HOXB8: variants seen among roughly 807,000 people sequenced by gnomAD.
HOXB8 encodes homeobox B8, also known as homeobox protein Hox-B8.
A neutral mutation model predicts 22.2 loss-of-function variants in HOXB8; 17 were observed. The ratio of observed to expected loss-of-function variants is 0.77; its 90% CI spans 0.53 to 1.15. The LOEUF is 1.15. Ranked by LOEUF, HOXB8 falls within the 50% of genes most tolerant of loss-of-function variation. The probability of loss-of-function intolerance (pLI) is 0.00; values close to 1 mark genes in which losing one functional copy is unlikely to be tolerated. For synonymous variants in HOXB8, 156 were observed against 144.6 expected (o/e 1.08, Z -0.57); for missense variants, 287 against 323.8 (o/e 0.89, Z 0.87).
At position 48,612,946 on chromosome 17, in the gene HOXB8, C is replaced by A. The variant is rs1381067290; in HGVS notation, c.*256G>T. On this transcript the variant is annotated 3_prime_UTR_variant, in exon 2 of 2. Coordinates refer to ENST00000239144, the MANE Select transcript of HOXB8 (RefSeq NM_024016.4). Reference sequence around the variant, plus strand: ...CGCTCGCCCTCACAGGGCGAGGGAGCCTTTGCTTAAATCCTTTTCTTTCCC... The same window carrying A: ...CGCTCGCCCTCACAGGGCGAGGGAGACTTTGCTTAAATCCTTTTCTTTCCC... The A allele has an allele frequency of 1.7e-5, 3 of 181,116 alleles. No homozygotes were observed. Among genetic ancestry groups the A allele is most frequent in the Non-Finnish European group, 3.4e-5 (3 of 88,006 alleles). 11.2% of individuals were successfully genotyped at this position (181,116 alleles called of 1,614,324 possible). A position where few individuals can be genotyped will look rare whatever the true frequency, so the allele number is the denominator to read the frequency against.
intron 1 of HOXB8, among the ~76,000 whole-genome samples, chr17:48,613,814 GAGGA>G (rs1435856951): frequency 6.6e-6 from 1 of 152,150 alleles, no homozygotes; most frequent in Non-Finnish European, 1.5e-5. Context: ...TAAACTTTAG[GAGGA>G]AGGATGTGAA....
chr17:48,614,827 A>T lies in HOXB8; in HGVS notation c.-123T>A, dbSNP rs1204612475. 2.7e-6 allele frequency: 2 copies of T among 752,022 alleles called. No homozygotes were observed. The highest frequency in any genetic ancestry group is 3.3e-5 in the Admixed American group (1 of 29,892). 46.6% of individuals were successfully genotyped at this position (752,022 alleles called of 1,614,324 possible). A position where few individuals can be genotyped will look rare whatever the true frequency, so the allele number is the denominator to read the frequency against. On this transcript the variant is annotated 5_prime_UTR_variant, in exon 1 of 2. Transcript: ENST00000239144. This position sits in a 1 kb window ranked among gnomAD's most constrained non-coding sequence, Gnocchi z 4.1. ...AACGCGGATTCGCCGGCTCCTAGTC[A>T]CCCTCGCCAGGAAAGGAGAGGGAAA...
rs537836246 is a variant in HOXB8, at chr17:48,614,693, A to G, written c.12T>C (p.Tyr4=). 6 of 1,534,058 alleles carry G rather than the reference A, an allele frequency of 3.9e-6. No homozygotes were observed. In the African/African-American group the frequency reaches 7.0e-5, roughly 18 times the overall value. Residue 4 remains tyrosine, a synonymous_variant, in exon 1 of 2, where the codon TAT becomes TAC. Coordinates refer to ENST00000239144, the MANE Select transcript of HOXB8 (RefSeq NM_024016.4). This position sits in a 1 kb window ranked among gnomAD's most constrained non-coding sequence, Gnocchi z 4.1. The part of the protein sequence containing the change: MSS[Y]FVNSLFSKYK... Reference sequence around the variant, plus strand: ...ATTTGGAGAACAGTGAGTTGACGAAATAAGAGCTCATTTTATTGAATTTTG... The same window carrying G: ...ATTTGGAGAACAGTGAGTTGACGAAGTAAGAGCTCATTTTATTGAATTTTG...
At chr17:48,613,534 CAG>C (rs2070684248) in intron 1 of HOXB8, 25 bp from the exon 2 acceptor site, 2 of 317,680 alleles carry the variant, frequency 6.3e-6, no homozygotes, top group South Asian at 4.7e-5. Flanking sequence ...AAGGGCGAGA[CAG>C]AGGGGAGGGG....
chr17:48,614,870 G>C lies in HOXB8; in HGVS notation c.-166C>G. 1.8e-6 allele frequency: 1 copy of C among 569,496 alleles called. No homozygotes were observed. Among genetic ancestry groups the C allele is most frequent in the South Asian group, 2.6e-5 (1 of 39,212 alleles). 35.3% of individuals were successfully genotyped at this position (569,496 alleles called of 1,614,324 possible). On this transcript the variant is annotated 5_prime_UTR_variant, in exon 1 of 2. Coordinates refer to ENST00000239144, the MANE Select transcript of HOXB8 (RefSeq NM_024016.4). The surrounding 1 kb of genome is among the most constrained non-coding windows in gnomAD (Gnocchi z 4.1). ...GAGGGAAAGAGAGGAGGGAAAAAAAGAAAAGAAAGAAAAGGCGAAGAAGAT... is the reference window on the plus strand; with the variant it reads ...GAGGGAAAGAGAGGAGGGAAAAAAACAAAAGAAAGAAAAGGCGAAGAAGAT...
rs748881998 is a variant in HOXB8 at position 48,613,517 on chromosome 17, T to TG, written c.425-9dup. 1.1e-4 allele frequency: 96 copies of TG among 839,860 alleles called. No individual in the cohort carries two copies. In the African/African-American group the frequency reaches 3.9e-3, roughly 34 times the overall value. The allele number at this position is 839,860 out of a possible 1,614,324, so 52.0% of individuals were successfully genotyped here. ...GCCTGCGTCCGGCGGCTGCTGGGAA[T>TG]GGGGGAAAGGGCGAGACAGAGGGGA... is the stretch of plus-strand genomic sequence containing the variant. On this transcript the variant is annotated splice_polypyrimidine_tract_variant and intron_variant, in intron 1 of 1. Coordinates refer to ENST00000239144, the MANE Select transcript of HOXB8 (RefSeq NM_024016.4).
Position 48,614,764 on chromosome 17 carries a change from G to T in HOXB8, c.-60C>A, listed in dbSNP as rs1190472825. On this transcript the variant is annotated 5_prime_UTR_variant, in exon 1 of 2. Coordinates refer to ENST00000239144, the MANE Select transcript of HOXB8 (RefSeq NM_024016.4). The surrounding 1 kb of genome is among the most constrained non-coding windows in gnomAD (Gnocchi z 4.1). ...GCTATAGTTGGGGGCTGTTGGGGAG[G>T]GGGTGGGGAGGGGGAAAGGGAGGGA... The T allele has an allele frequency of 1.8e-6, 2 of 1,113,266 alleles. No individual in the cohort carries two copies. Among genetic ancestry groups the T allele is most frequent in the Admixed American group, 6.4e-5 (2 of 31,058 alleles). The allele number at this position is 1,113,266 out of a possible 1,614,324, so 69.0% of individuals were successfully genotyped here. A position where few individuals can be genotyped will look rare whatever the true frequency, so the allele number is the denominator to read the frequency against.
intron 1 of HOXB8, 114 bp from the exon 2 acceptor site, chr17:48,613,623 AG>A: frequency 1.7e-6 from 1 of 575,258 alleles, no homozygotes; most frequent in Non-Finnish European, 2.6e-6. Flanking sequence ...TAATAAGGGC[AG>A]GGGACCTTCT....
At position 48,613,061 on chromosome 17, in the gene HOXB8, C is replaced by A. The variant is rs1567981127; in HGVS notation, c.*141G>T. On this transcript the variant is annotated 3_prime_UTR_variant, in exon 2 of 2. Coordinates refer to ENST00000239144, the MANE Select transcript of HOXB8 (RefSeq NM_024016.4). ...CTACCACTAGCGGGGACTGGCGCGGCGGGGGACGCTGCGGTGGGAGGCCCG... is the reference window on the plus strand; with the variant it reads ...CTACCACTAGCGGGGACTGGCGCGGAGGGGGACGCTGCGGTGGGAGGCCCG... The A allele has an allele frequency of 3.0e-6, 1 of 333,668 alleles. No individual in the cohort carries two copies. Among genetic ancestry groups the A allele is most frequent in the Non-Finnish European group, 4.8e-6 (1 of 207,054 alleles). The allele number at this position is 333,668 out of a possible 1,614,324, so 20.7% of individuals were successfully genotyped here.
intron 1 of HOXB8, among the ~76,000 whole-genome samples, chr17:48,613,776 A>G (rs961218908): frequency 3.3e-5 from 5 of 151,888 alleles, no homozygotes; most frequent in African/African-American, 1.2e-4. Flanking sequence ...GTTGTGTAGG[A>G]GGTGGTTCAG....
At position 48,613,099 on chromosome 17, in the gene HOXB8, GCTAGCGGGGCCAGAGCTCT is replaced by G. The variant is rs2070674648; in HGVS notation, c.*84_*102del. On this transcript the variant is annotated 3_prime_UTR_variant, in exon 2 of 2. Coordinates refer to ENST00000239144, the MANE Select transcript of HOXB8 (RefSeq NM_024016.4). ...GGTGGGAGGCCCGGCTCCTGGCCCC[GCTAGCGGGGCCAGAGCTCT>G]CTCGGGCAGGGGCGCGCGGCGGCGG... The G allele has an allele frequency of 1.7e-5, 13 of 756,390 alleles. No individual in the cohort carries two copies. The highest frequency in any genetic ancestry group is 2.2e-5 in the Non-Finnish European group (13 of 586,042). 46.9% of individuals were successfully genotyped at this position (756,390 alleles called of 1,614,324 possible).
In HOXB8 at chr17:48,614,404, C is replaced by A; in HGVS notation, c.301G>T (p.Asp101Tyr). The change falls in exon 1 of 2, where the codon GAT becomes TAT. Residue 101 changes from aspartate to tyrosine, a missense_variant. Around this residue, in one of 3 missense-constraint regions of HOXB8, gnomAD observed 229 missense variants for 239.8 expected, o/e 0.95. Coordinates refer to ENST00000239144, the MANE Select transcript of HOXB8 (RefSeq NM_024016.4). The surrounding 1 kb of genome is among the most constrained non-coding windows in gnomAD (Gnocchi z 4.1). ...LQRQSLFGAQDPDLVQYADCK... is the reference protein window; with the variant it reads ...LQRQSLFGAQYPDLVQYADCK... ...TCTGCGTACTGCACCAGGTCTGGAT[C>A]CTGCGCACCGAATAGGCTCTGGCGT... 2.5e-6 allele frequency: 4 copies of A among 1,613,528 alleles called. No individual in the cohort carries two copies. The highest frequency in any genetic ancestry group is 2.5e-6 in the Non-Finnish European group (3 of 1,179,882).
chr17:48,613,190 C>G lies in HOXB8; in HGVS notation c.*12G>C, dbSNP rs867920442. 3 of 1,539,332 alleles carry G rather than the reference C, an allele frequency of 1.9e-6. No individual in the cohort carries two copies. The African/African-American group carries it at 4.2e-5, about 21-fold the overall frequency. On this transcript the variant is annotated 3_prime_UTR_variant, in exon 2 of 2. Transcript: ENST00000239144. ...TGCGGGCGGCCGCGGCCCTGGCAGT[C>G]CCAGCTGAAGCCTACTTCTTGTCGC...
rs766516844 is a variant in HOXB8 at position 48,614,621 on chromosome 17, G to A, written c.84C>T (p.Phe28=). 2 of 1,609,226 alleles carry A rather than the reference G, an allele frequency of 1.2e-6. No individual in the cohort carries two copies. The highest frequency in any genetic ancestry group is 1.7e-5 in the Admixed American group (1 of 59,320). ...SLRPNYYDCG[F]AQDLGGRPTV... is the part of the protein sequence containing the mutation. ...TGGGTCGGCCGCCCAGGTCCTGGGC[G>A]AAGCCGCAGTCATAATAATTGGGGC... The change falls in exon 1 of 2, where the codon TTC becomes TTT. Residue 28 remains phenylalanine, a synonymous_variant. Transcript: ENST00000239144. The surrounding 1 kb of genome is among the most constrained non-coding windows in gnomAD (Gnocchi z 4.1).
chr17:48,615,053 T>G lies in HOXB8; in HGVS notation c.-349A>C. 1 of 188,736 alleles carries G rather than the reference T, an allele frequency of 5.3e-6. No individual in the cohort carries two copies. The highest frequency in any genetic ancestry group is 1.0e-5 in the Non-Finnish European group (1 of 100,200). The allele number at this position is 188,736 out of a possible 1,614,324, so 11.7% of individuals were successfully genotyped here. A position where few individuals can be genotyped will look rare whatever the true frequency, so the allele number is the denominator to read the frequency against. ...CCACCACTTAAAGAGGTCCTCGCTTTACATTTCGAAGAAGGGATGCCAGTT... is the reference window on the plus strand; with the variant it reads ...CCACCACTTAAAGAGGTCCTCGCTTGACATTTCGAAGAAGGGATGCCAGTT... On this transcript the variant is annotated 5_prime_UTR_variant, in exon 1 of 2. It removes the in-frame stop codon of an upstream open reading frame in the 5' UTR. Transcript: ENST00000239144.
Position 48,614,695 on chromosome 17 carries a change from A to G in HOXB8, c.10T>C (p.Tyr4His), listed in dbSNP as rs931362463. 10 of 1,540,670 alleles carry G rather than the reference A, an allele frequency of 6.5e-6. No homozygotes were observed. The highest frequency in any genetic ancestry group is 8.8e-6 in the Non-Finnish European group (10 of 1,135,716). The change falls in exon 1 of 2, where the codon TAT becomes CAT. Residue 4 changes from tyrosine to histidine, a missense_variant. Physicochemically the swap from Tyr to His is moderately conservative, Grantham distance 83. This residue lies in a region of HOXB8 where 229 missense variants were observed against 239.8 expected (regional missense o/e 0.95). Coordinates refer to ENST00000239144, the MANE Select transcript of HOXB8 (RefSeq NM_024016.4). This position sits in a 1 kb window ranked among gnomAD's most constrained non-coding sequence, Gnocchi z 4.1. The stretch of plus-strand genomic sequence containing the variant: ...TTGGAGAACAGTGAGTTGACGAAAT[A>G]AGAGCTCATTTTATTGAATTTTGAG... MSS[Y>H]FVNSLFSKYK...
In HOXB8 at chr17:48,613,306, A is replaced by T. The variant is rs553693117; in HGVS notation, c.628T>A (p.Phe210Ile). Reference protein sequence around the residue: ...KWKKENNKDKFPSSKCEQEEL... With the variant: ...KWKKENNKDKIPSSKCEQEEL... The stretch of plus-strand genomic sequence containing the variant: ...TCCTGCTCGCATTTGCTGCTGGGGA[A>T]CTTGTCTTTGTTGTTCTCTTTTTTC... Residue 210 changes from phenylalanine (F) to isoleucine (I), a missense_variant, in exon 2 of 2, where the codon TTC becomes ATC. Phe to Ile is a conservative substitution (Grantham distance 21, BLOSUM62 0). Around this residue, in one of 3 missense-constraint regions of HOXB8, gnomAD observed 52 missense variants for 54.8 expected, o/e 0.95. Transcript: ENST00000239144. The T allele has an allele frequency of 5.0e-6, 8 of 1,613,378 alleles. No homozygotes were observed. The South Asian group carries it at 6.6e-5, about 13-fold the overall frequency.
chr17:48,613,264 T>G lies in HOXB8; in HGVS notation c.670A>C (p.Lys224Gln). ...KCEQEELEKQ[K>Q]LERAPEAADE... ...GCCGCCTCTGGGGCCCGCTCCAGCTTCTGTTTCTCCAGCTCCTCCTGCTCG... is the reference window on the plus strand; with the variant it reads ...GCCGCCTCTGGGGCCCGCTCCAGCTGCTGTTTCTCCAGCTCCTCCTGCTCG... Residue 224 changes from lysine to glutamine, a missense_variant, in exon 2 of 2, where the codon AAG becomes CAG. Lys to Gln is a moderately conservative substitution (Grantham distance 53, BLOSUM62 1). Around this residue, in one of 3 missense-constraint regions of HOXB8, gnomAD observed 52 missense variants for 54.8 expected, o/e 0.95. Transcript: ENST00000239144. 1 of 1,613,770 alleles carries G rather than the reference T, an allele frequency of 6.2e-7. No homozygotes were observed. The highest frequency in any genetic ancestry group is 1.1e-5 in the South Asian group (1 of 91,064).
At position 48,614,641 on chromosome 17, in the gene HOXB8, T is replaced by C. The variant is rs1401091825; in HGVS notation, c.64A>G (p.Asn22Asp). Residue 22 changes from asparagine (N) to aspartate (D), a missense_variant, in exon 1 of 2, where the codon AAT becomes GAT. Asn to Asp is a conservative substitution (Grantham distance 23). This residue lies in a region of HOXB8 where 229 missense variants were observed against 239.8 expected (regional missense o/e 0.95). Coordinates refer to ENST00000239144, the MANE Select transcript of HOXB8 (RefSeq NM_024016.4). The surrounding 1 kb of genome is among the most constrained non-coding windows in gnomAD (Gnocchi z 4.1). Reference sequence around the variant, plus strand: ...TGGGCGAAGCCGCAGTCATAATAATTGGGGCGCAGGGACTCCCCGGTTTTG... The same window carrying C: ...TGGGCGAAGCCGCAGTCATAATAATCGGGGCGCAGGGACTCCCCGGTTTTG... ...KYKTGESLRP[N>D]YYDCGFAQDL... 1 of 1,608,826 alleles carries C rather than the reference T, an allele frequency of 6.2e-7. No individual in the cohort carries two copies.
Sources: gnomAD v4.1 joint callset for allele counts (sites outside exome capture counted in the v4.1 genomes callset) on GRCh38, gnomAD v4.1.1 for gene constraint, gnomAD v4.1.1 regional missense constraint, Gnocchi (gnomAD v3.1) non-coding constraint, MANE v1.5 for transcripts, NCBI Gene and HGNC (gene_info 2026-07-23, HGNC 2026-07-21) for gene names.